The following SPAG16 variants were observed in gnomAD, a reference collection of about 807,000 sequenced individuals.
The protein encoded by SPAG16 is sperm associated antigen 16, also known as sperm-associated antigen 16 protein.
Under a neutral mutation model 80.4 loss-of-function variants are expected in SPAG16, and 86 were observed. That is an observed-to-expected ratio of 1.07 (90% CI 0.90 to 1.28). The LOEUF is 1.28. Ranked by LOEUF, SPAG16 falls within the 50% of genes most tolerant of loss-of-function variation. The pLI, the probability that SPAG16 is intolerant of heterozygous loss-of-function variation, is 0.00. For synonymous variants in SPAG16, 294 were observed against 265.9 expected (o/e 1.11, Z -1.03); for missense variants, 870 against 765.3 (o/e 1.14, Z -1.61).
At chr2:213,782,663 G>A (rs1168420123) in intron 10 of SPAG16, among the ~76,000 whole-genome samples, 2 of 152,228 alleles carry the variant, frequency 1.3e-5, no homozygotes, top group East Asian at 3.9e-4. Flanking sequence ...GTTATGGTAG[G>A]TTTTACCACA....
chr2:213,774,015 C>CTGTCTGT (rs2069416910), intron 10 of SPAG16, among the ~76,000 whole-genome samples: 1 of 152,032 alleles, frequency 6.6e-6, no homozygotes, highest in African/African-American at 2.4e-5. Flanking sequence ...TTAGAATCCT[C>CTGTCTGT]TGTCTGTTCA....
chr2:213,892,845 T>C (rs1052661422), intron 11 of SPAG16, among the ~76,000 whole-genome samples: 2 of 152,096 alleles, frequency 1.3e-5, no homozygotes, highest in African/African-American at 4.8e-5. Context: ...TTATTAGTGT[T>C]CATGAGAAAG....
chr2:213,372,237 C>T lies in SPAG16; in HGVS notation c.833-2773C>T, dbSNP rs79890299. Among the ~76,000 whole-genome samples, 1,298 of 151,834 alleles carry T rather than the reference C, an allele frequency of 8.5e-3. 26 individuals are homozygous for T. Among genetic ancestry groups the T allele is most frequent in the African/African-American group, 0.03 (1,240 of 41,444 alleles). Reference sequence around the variant, plus strand: ...AGGTTGCAATTTCAGTGCAGTAATGCCTATTTTTAAACCAGATCATAATGA... The same window carrying T: ...AGGTTGCAATTTCAGTGCAGTAATGTCTATTTTTAAACCAGATCATAATGA... On this transcript the variant is annotated intron_variant, in intron 8 of 15. Coordinates refer to ENST00000331683, the MANE Select transcript of SPAG16 (RefSeq NM_024532.5).
intron 10 of SPAG16, among the ~76,000 whole-genome samples, chr2:213,680,918 G>T (rs1013104261): frequency 9.9e-5 from 15 of 152,180 alleles, no homozygotes; most frequent in Non-Finnish European, 1.6e-4. Context: ...GACATTTTCT[G>T]GTTTACAATT....
intron 5 of SPAG16, among the ~76,000 whole-genome samples, chr2:213,322,274 T>A (rs1283987867): frequency 6.7e-6 from 1 of 149,264 alleles, no homozygotes; most frequent in Non-Finnish European, 1.5e-5. Flanking sequence ...ACCTTTTTGC[T>A]TGATCTTCTT....
chr2:213,600,495 A>G (rs1439258823), intron 10 of SPAG16, among the ~76,000 whole-genome samples: 1 of 152,178 alleles, frequency 6.6e-6, no homozygotes, highest in Non-Finnish European at 1.5e-5. Context: ...CTATGTTCCT[A>G]GTATTGTGGT....
intron 12 of SPAG16, among the ~76,000 whole-genome samples, chr2:213,956,444 T>C (rs971706153): frequency 7.4e-6 from 1 of 135,894 alleles, no homozygotes; most frequent in Non-Finnish European, 1.6e-5. Flanking sequence ...CCATTTTTTT[T>C]CCTTTTTTTT....
intron 13 of SPAG16, among the ~76,000 whole-genome samples, chr2:214,095,078 G>A (rs2052491449): frequency 6.6e-6 from 1 of 151,954 alleles, no homozygotes; most frequent in South Asian, 2.1e-4. Context: ...TGATGAGGTG[G>A]AAGGAACTCA....
At chr2:213,851,913 G>A (rs1337036201) in intron 10 of SPAG16, among the ~76,000 whole-genome samples, 2 of 152,198 alleles carry the variant, frequency 1.3e-5, no homozygotes, top group African/African-American at 2.4e-5. Flanking sequence ...GCTCTGCTTT[G>A]AAGAAAACCT....
At chr2:214,102,863 G>C (rs891664393) in intron 13 of SPAG16, among the ~76,000 whole-genome samples, 1 of 152,054 alleles carries the variant, frequency 6.6e-6, no homozygotes, top group African/African-American at 2.4e-5. Flanking sequence ...AAATTCGTTT[G>C]GAAGAGACCT....
intron 9 of SPAG16, among the ~76,000 whole-genome samples, chr2:213,442,016 C>T (rs1447765820): frequency 6.6e-6 from 1 of 152,132 alleles, no homozygotes; most frequent in Non-Finnish European, 1.5e-5. Context: ...GCCGTAGTGG[C>T]ACATGCCTAT....
intron 10 of SPAG16, among the ~76,000 whole-genome samples, chr2:213,575,420 C>T (rs2060089871): frequency 6.6e-6 from 1 of 152,016 alleles, no homozygotes; most frequent in Non-Finnish European, 1.5e-5. Context: ...ATTTCATTTA[C>T]ATTTTTCTTG....
chr2:214,344,751 A>C (rs1258947808), intron 15 of SPAG16, among the ~76,000 whole-genome samples: 1 of 152,182 alleles, frequency 6.6e-6, no homozygotes, highest in Non-Finnish European at 1.5e-5. Flanking sequence ...AACTTGTTGC[A>C]GTTTCAGACT....
chr2:213,983,835 A>C (rs1486830750), intron 12 of SPAG16, among the ~76,000 whole-genome samples: 1 of 152,076 alleles, frequency 6.6e-6, no homozygotes. Context: ...ATGTAGATAG[A>C]AAATGATAAA....
intron 9 of SPAG16, among the ~76,000 whole-genome samples, chr2:213,424,515 T>C (rs536261394): frequency 8.1e-4 from 124 of 152,334 alleles, no homozygotes; most frequent in Admixed American, 1.6e-3. Context: ...TTTTTATGGC[T>C]AATTTACTGG....
intron 7 of SPAG16, among the ~76,000 whole-genome samples, chr2:213,362,875 C>T (rs2066063139): frequency 6.6e-6 from 1 of 152,136 alleles, no homozygotes; most frequent in Non-Finnish European, 1.5e-5. Context: ...GCAGAGAGAT[C>T]TGCCTCCATG....
At position 213,591,900 on chromosome 2, in the gene SPAG16, G is replaced by A. The variant is rs527363060; in HGVS notation, c.1070+101810G>A. Among the ~76,000 whole-genome samples the A allele has an allele frequency of 1.2e-4, 18 of 152,302 alleles. No homozygotes were observed. In the East Asian group the frequency reaches 3.1e-3, roughly 26 times the overall value. On this transcript the variant is annotated intron_variant, in intron 10 of 15. Coordinates refer to ENST00000331683, the MANE Select transcript of SPAG16 (RefSeq NM_024532.5). ...AGATTTTGAGAGTGACCAGATACTA[G>A]CATGAAGCAGTATTCTTGCTAGAAT...
At chr2:213,809,598 A>T (rs1205029706) in intron 10 of SPAG16, among the ~76,000 whole-genome samples, 1 of 152,168 alleles carries the variant, frequency 6.6e-6, no homozygotes, top group Non-Finnish European at 1.5e-5. Flanking sequence ...AATTTTCCCA[A>T]TGAAAACAAG....
chr2:213,816,102 GCAGTAGCTAC>G lies in SPAG16; in HGVS notation c.1071-46380_1071-46371del, dbSNP rs1250360309. 1.8e-4 allele frequency among the ~76,000 whole-genome samples: 28 copies of G among 152,202 alleles called. 1 individual carries two copies. The highest frequency in any genetic ancestry group is 6.3e-4 in the African/African-American group (26 of 41,536). On this transcript the variant is annotated intron_variant, in intron 10 of 15. Transcript: ENST00000331683. The stretch of plus-strand genomic sequence containing the variant: ...CCTGGAATCCTTATTTTGCCTCCTT[GCAGTAGCTAC>G]CAACTCCCCATATCAAAGGTTCCTG...
Sources: gnomAD v4.1 joint callset for allele counts (sites outside exome capture counted in the v4.1 genomes callset) on GRCh38, gnomAD v4.1.1 for gene constraint, MANE v1.5 for transcripts, NCBI Gene and HGNC (gene_info 2026-07-23, HGNC 2026-07-21) for gene names.